Variants in MGLL observed in about 807,000 individuals in gnomAD.
MGLL encodes lysophospholipase homolog.
MGLL carries 7 observed loss-of-function variants against 29.1 expected under a neutral mutation model. The observed-to-expected ratio is 0.24, with a 90% CI of 0.14 to 0.45. MGLL has a LOEUF of 0.45. Ranked by LOEUF, MGLL falls within the 20% of genes least tolerant of loss-of-function variation. The probability of loss-of-function intolerance (pLI) is 0.99; values close to 1 mark genes in which losing one functional copy is unlikely to be tolerated. For synonymous variants in MGLL, 148 were observed against 168.3 expected (o/e 0.88, Z 0.93); for missense variants, 356 against 413.6 (o/e 0.86, Z 1.21).
At chr3:127,731,389 T>C (rs532701807) in intron 3 of MGLL, among the ~76,000 whole-genome samples, 1 of 151,586 alleles carries the variant, frequency 6.6e-6, no homozygotes, top group East Asian at 1.9e-4. Flanking sequence ...AGAACCCTGC[T>C]TTGCAGACTT....
chr3:127,790,688 C>T (rs2077284798), intron 2 of MGLL, among the ~76,000 whole-genome samples: 2 of 152,314 alleles, frequency 1.3e-5, no homozygotes, highest in South Asian at 4.2e-4. Context: ...TTACGGAAGT[C>T]GCATGGGAAA....
At chr3:127,706,562 G>A (rs537409511) in intron 6 of MGLL, among the ~76,000 whole-genome samples, 2 of 152,320 alleles carry the variant, frequency 1.3e-5, no homozygotes, top group Non-Finnish European at 2.9e-5. Flanking sequence ...GCAACGTAGA[G>A]CAATTCACAC....
rs555248114 is a variant in MGLL, at chr3:127,788,672, G to A, written c.156-6777C>T. ...CCTGCTCTTGCCCTCTGCGCACTCC[G>A]CAGTCCTTCCACGCTTCCCCAACAC... On this transcript the variant is annotated intron_variant, in intron 2 of 7. Transcript: ENST00000265052. 1.1e-3 allele frequency among the ~76,000 whole-genome samples: 173 copies of A among 152,182 alleles called. 1 individual carries two copies. The highest frequency in any genetic ancestry group is 4.1e-3 in the African/African-American group (169 of 41,508).
At chr3:127,817,800 G>C (rs561363059) in intron 2 of MGLL, among the ~76,000 whole-genome samples, 3 of 152,246 alleles carry the variant, frequency 2.0e-5, no homozygotes, top group Non-Finnish European at 4.4e-5. Context: ...GAGCCACTTG[G>C]TTGGCTGAAT....
intron 2 of MGLL, among the ~76,000 whole-genome samples, chr3:127,821,131 T>A (rs1393282823): frequency 6.6e-6 from 1 of 152,218 alleles, no homozygotes; most frequent in Admixed American, 6.5e-5. Flanking sequence ...GGAGACCAGC[T>A]GTCTTGTGTA....
intron 3 of MGLL, among the ~76,000 whole-genome samples, chr3:127,768,874 C>A (rs529857149): frequency 9.7e-4 from 148 of 152,352 alleles, no homozygotes; most frequent in African/African-American, 3.4e-3. Flanking sequence ...GCTGGTCCCA[C>A]CCTGGAGCCG....
intron 2 of MGLL, among the ~76,000 whole-genome samples, chr3:127,787,678 C>T (rs2077236915): frequency 6.6e-6 from 1 of 152,218 alleles, no homozygotes; most frequent in Non-Finnish European, 1.5e-5. Flanking sequence ...AGGGTGTCCT[C>T]GCTGGAGGGG....
At chr3:127,808,132 C>T (rs529494610) in intron 2 of MGLL, among the ~76,000 whole-genome samples, 1 of 152,224 alleles carries the variant, frequency 6.6e-6, no homozygotes, top group East Asian at 1.9e-4. Context: ...TCCAACATGA[C>T]CATAGCCCCC....
intron 3 of MGLL, among the ~76,000 whole-genome samples, chr3:127,753,512 C>G (rs556653328): frequency 6.6e-6 from 1 of 152,220 alleles, no homozygotes; most frequent in African/African-American, 2.4e-5. Flanking sequence ...ACGGATTCTA[C>G]CAGCGTTTGC....
In MGLL at chr3:127,703,085, C is replaced by T. The variant is rs182950126; in HGVS notation, c.600+7491G>A. On this transcript the variant is annotated intron_variant, in intron 6 of 7. Coordinates refer to ENST00000265052, the MANE Select transcript of MGLL (RefSeq NM_007283.7). ...ATGGGGAGAGCTGTTTGCATAGCCCCGCCCCACCACTGTCTCCTCCCCCAG... is the reference window on the plus strand; with the variant it reads ...ATGGGGAGAGCTGTTTGCATAGCCCTGCCCCACCACTGTCTCCTCCCCCAG... Among the ~76,000 whole-genome samples the T allele has an allele frequency of 4.4e-3, 663 of 152,300 alleles. 3 individuals are homozygous for T. Among genetic ancestry groups the T allele is most frequent in the African/African-American group, 0.013 (556 of 41,566 alleles).
At chr3:127,712,391 C>T (rs1282164812) in intron 5 of MGLL, 1 of 152,320 alleles carries the variant, frequency 6.6e-6, no homozygotes, top group Non-Finnish European at 1.5e-5. Flanking sequence ...TCTCAACCAT[C>T]CAGTATCAGG....
intron 3 of MGLL, among the ~76,000 whole-genome samples, chr3:127,781,037 G>C (rs2077114698): frequency 6.6e-6 from 1 of 152,200 alleles, no homozygotes; most frequent in African/African-American, 2.4e-5. Context: ...TGTGGATTTT[G>C]CTACAGAACA....
intron 2 of MGLL, among the ~76,000 whole-genome samples, chr3:127,816,015 G>A (rs764717007): frequency 5.9e-5 from 9 of 152,224 alleles, no homozygotes; most frequent in Non-Finnish European, 7.3e-5. Flanking sequence ...AGCTGCATGC[G>A]AGGGGCGCTG....
At chr3:127,699,054 C>G (rs976186069) in intron 6 of MGLL, among the ~76,000 whole-genome samples, 5 of 152,170 alleles carry the variant, frequency 3.3e-5, no homozygotes, top group Non-Finnish European at 7.4e-5. Context: ...CTTTTTTTCC[C>G]CGGGGTGGGG....
chr3:127,803,913 G>T (rs1302020492), intron 2 of MGLL, among the ~76,000 whole-genome samples: 1 of 152,176 alleles, frequency 6.6e-6, no homozygotes, highest in African/African-American at 2.4e-5. Flanking sequence ...AGGACGGGGT[G>T]GCTCAGGGCT....
At chr3:127,741,512 G>C (rs1194606380) in intron 3 of MGLL, among the ~76,000 whole-genome samples, 1 of 152,244 alleles carries the variant, frequency 6.6e-6, no homozygotes, top group East Asian at 1.9e-4. Context: ...GCCCATGCTA[G>C]GACACCACGA....
chr3:127,781,882 C>A lies in MGLL; in HGVS notation c.169G>T (p.Val57Leu). Reference sequence around the variant, plus strand: ...CTGTGCTCTCCGGCTCCATGGGACACAAAGATGAGGGCCCTGCAGAGACAA... The same window carrying A: ...CTGTGCTCTCCGGCTCCATGGGACAAAAAGATGAGGGCCCTGCAGAGACAA... ...PTGTPKALIF[V>L]SHGAGEHSGR... is the part of the protein sequence containing the mutation. The change falls in exon 3 of 8, where the codon GTG becomes TTG. Residue 57 changes from valine (V) to leucine (L), a missense_variant. Coordinates refer to ENST00000265052, the MANE Select transcript of MGLL (RefSeq NM_007283.7). The A allele has an allele frequency of 6.2e-7, 1 of 1,614,030 alleles. No homozygotes were observed. The highest frequency in any genetic ancestry group is 8.5e-7 in the Non-Finnish European group (1 of 1,180,016).
intron 2 of MGLL, among the ~76,000 whole-genome samples, chr3:127,789,005 A>C (rs1212600378): frequency 2.0e-5 from 3 of 152,194 alleles, no homozygotes; most frequent in Non-Finnish European, 2.9e-5. Flanking sequence ...GCCCCAGGTT[A>C]AATCCCTTTG....
chr3:127,694,317 G>GTA (rs1269168907), intron 7 of MGLL, among the ~76,000 whole-genome samples: 22 of 92,210 alleles, frequency 2.4e-4, no homozygotes, highest in African/African-American at 5.3e-4. Context: ...ATGTATGTGT[G>GTA]TATATATATA....
Sources: gnomAD v4.1 joint callset for allele counts (sites outside exome capture counted in the v4.1 genomes callset) on GRCh38, gnomAD v4.1.1 for gene constraint, MANE v1.5 for transcripts, NCBI Gene and HGNC (gene_info 2026-07-23, HGNC 2026-07-21) for gene names.